Variants in WDR37 observed in about 807,000 individuals in gnomAD.
WDR37 encodes WD repeat domain 37, also known as WD repeat-containing protein 37.
A neutral mutation model predicts 62.9 loss-of-function variants in WDR37; 19 were observed. The ratio of observed to expected loss-of-function variants is 0.30; its 90% CI spans 0.21 to 0.44. The LOEUF (loss-of-function observed/expected upper bound fraction) is 0.44, where lower values mean the gene tolerates loss of function less well. WDR37 is among the 20% of genes least tolerant of loss of function. WDR37 has a pLI of 1.00. For missense variants in WDR37, 474 were observed against 657.6 expected (o/e 0.72, Z 3.05); for synonymous variants, 250 against 260.9 (o/e 0.96, Z 0.40).
chr10:1,098,362 C>T (rs1466878269), intron 9 of WDR37, among the ~76,000 whole-genome samples: 1 of 144,606 alleles, frequency 6.9e-6, no homozygotes, highest in Non-Finnish European at 1.5e-5. Context: ...GAGTCTCGCT[C>T]TGTTGCCCAG....
chr10:1,109,630 G>A (rs1274864710), intron 11 of WDR37, among the ~76,000 whole-genome samples: 1 of 152,172 alleles, frequency 6.6e-6, no homozygotes, highest in African/African-American at 2.4e-5. Flanking sequence ...AGAATCGCTT[G>A]AACTTGGGAG....
In WDR37 at chr10:1,105,226, C is replaced by G. The variant is rs1206208417; in HGVS notation, c.1062C>G (p.Asp354Glu). 1 of 1,614,128 alleles carries G rather than the reference C, an allele frequency of 6.2e-7. No individual in the cohort carries two copies. The highest frequency in any genetic ancestry group is 8.5e-7 in the Non-Finnish European group (1 of 1,180,024). The change falls in exon 11 of 14, where the codon GAC becomes GAG. Residue 354 changes from aspartate to glutamate, a missense_variant. Physicochemically the swap from Asp to Glu is conservative, Grantham distance 45 (BLOSUM62 2). Transcript: ENST00000263150. This position sits in a 1 kb window ranked among gnomAD's most constrained non-coding sequence, Gnocchi z 5.3. ...DTTFRLWDFR[D>E]PSIHSVNVFQ... ...CTTTCCGCCTCTGGGATTTCAGGGA[C>G]CCCTCCATCCACTCGGTGAATGTTT...
chr10:1,109,951 A>C (rs1835158602), intron 11 of WDR37, among the ~76,000 whole-genome samples: 1 of 152,176 alleles, frequency 6.6e-6, no homozygotes, highest in Non-Finnish European at 1.5e-5. Context: ...CCTTTCTCCC[A>C]CATGGGTCTT....
At chr10:1,122,055 G>C (rs1835597615) in intron 11 of WDR37, among the ~76,000 whole-genome samples, 1 of 152,132 alleles carries the variant, frequency 6.6e-6, no homozygotes, top group East Asian at 1.9e-4. Context: ...AATGGGCTTT[G>C]TGACTGCGTG....
At chr10:1,078,401 T>A (rs1833939912) in intron 3 of WDR37, among the ~76,000 whole-genome samples, 1 of 152,238 alleles carries the variant, frequency 6.6e-6, no homozygotes, top group Non-Finnish European at 1.5e-5. Flanking sequence ...AATTTATCTT[T>A]TTTTTATTTT....
rs762769029 is a variant in WDR37 at position 1,103,673 on chromosome 10, C to CTG, written c.799_800dup (p.Pro268AlafsTer8). ...ACCTCGATGGGGATGTGTCCAGCGA[C>CTG]TGCCCCACCATCCGCGTCCCACTGA... On this transcript the variant is annotated frameshift_variant, in exon 10 of 14. Transcript: ENST00000263150. LOFTEE classifies it high-confidence loss of function. This position sits in a 1 kb window ranked among gnomAD's most constrained non-coding sequence, Gnocchi z 6.3. The CTG allele has an allele frequency of 6.2e-7, 1 of 1,614,242 alleles. No individual in the cohort carries two copies. Among genetic ancestry groups the CTG allele is most frequent in the Non-Finnish European group, 8.5e-7 (1 of 1,180,044 alleles).
At position 1,129,686 on chromosome 10, in the gene WDR37, TACG is replaced by T; in HGVS notation, c.*343_*345del. 1 of 184,504 alleles carries T rather than the reference TACG, an allele frequency of 5.4e-6. No homozygotes were observed. Among genetic ancestry groups the T allele is most frequent in the South Asian group, 1.1e-4 (1 of 8,882 alleles). 11.4% of individuals were successfully genotyped at this position (184,504 alleles called of 1,614,324 possible). A position where few individuals can be genotyped will look rare whatever the true frequency, so the allele number is the denominator to read the frequency against. On this transcript the variant is annotated 3_prime_UTR_variant, in exon 14 of 14. Transcript: ENST00000263150. Reference sequence around the variant, plus strand: ...GTGAATTAAATGTGAACTTCTGTATTACGTTGCGGCGTCGGCAGTCCTGCGTTC... The same window carrying T: ...GTGAATTAAATGTGAACTTCTGTATTTTGCGGCGTCGGCAGTCCTGCGTTC...
intron 1 of WDR37, among the ~76,000 whole-genome samples, chr10:1,069,120 G>T (rs1833641535): frequency 1.3e-5 from 2 of 152,034 alleles, no homozygotes; most frequent in African/African-American, 2.4e-5. Flanking sequence ...ACAGTTGATT[G>T]TGGTAATGAT....
rs764251023 is a variant in WDR37 at position 1,072,144 on chromosome 10, C to T, written c.-12C>T. On this transcript the variant is annotated 5_prime_UTR_variant, in exon 2 of 14. Coordinates refer to ENST00000263150, the MANE Select transcript of WDR37 (RefSeq NM_014023.4). Reference sequence around the variant, plus strand: ...ATTGCAGGAGTGACCAGGACACTACCTCCTAGAAGTAATGCCCACAGAAAG... The same window carrying T: ...ATTGCAGGAGTGACCAGGACACTACTTCCTAGAAGTAATGCCCACAGAAAG... 3.1e-6 allele frequency: 5 copies of T among 1,613,900 alleles called. 1 individual carries two copies. The highest frequency in any genetic ancestry group is 1.7e-5 in the Admixed American group (1 of 60,008).
chr10:1,097,231 G>A (rs1018617474), intron 9 of WDR37, among the ~76,000 whole-genome samples: 3 of 152,214 alleles, frequency 2.0e-5, no homozygotes, highest in East Asian at 1.9e-4. Context: ...AGCTGGTTCC[G>A]AAGAGCACAT....
At chr10:1,078,646 T>C (rs1315490019) in intron 3 of WDR37, among the ~76,000 whole-genome samples, 1 of 152,230 alleles carries the variant, frequency 6.6e-6, no homozygotes, top group African/African-American at 2.4e-5. Flanking sequence ...GCTGCTCTAT[T>C]ACTTTCCAGT....
chr10:1,092,135 G>A (rs1490727705), intron 7 of WDR37, among the ~76,000 whole-genome samples: 2 of 144,270 alleles, frequency 1.4e-5, no homozygotes, highest in Non-Finnish European at 3.0e-5. Context: ...AGCTGAGATC[G>A]CGCCACTGCA....
intron 9 of WDR37, among the ~76,000 whole-genome samples, chr10:1,102,182 G>A (rs58938059): frequency 2.1e-5 from 3 of 141,256 alleles, no homozygotes; most frequent in South Asian, 2.3e-4. Context: ...GTTCTCGTGC[G>A]GCTGTGTGTC....
chr10:1,062,765 A>G (rs1296601043), intron 1 of WDR37, among the ~76,000 whole-genome samples: 2 of 152,198 alleles, frequency 1.3e-5, no homozygotes, highest in Non-Finnish European at 2.9e-5. Flanking sequence ...CATGAAGTAC[A>G]TCTAAAAACA....
chr10:1,100,492 C>T (rs983563055), intron 9 of WDR37, among the ~76,000 whole-genome samples: 3 of 152,198 alleles, frequency 2.0e-5, no homozygotes, highest in Non-Finnish European at 4.4e-5. Context: ...TTCTAATTTT[C>T]AATTTTAACA....
intron 9 of WDR37, among the ~76,000 whole-genome samples, chr10:1,097,463 T>TA (rs1221284949): frequency 1.3e-5 from 2 of 152,212 alleles, no homozygotes; most frequent in South Asian, 2.1e-4. Context: ...CGAGAACCTT[T>TA]ACCACCCTTC....
intron 1 of WDR37, among the ~76,000 whole-genome samples, chr10:1,062,621 A>G (rs901210524): frequency 3.9e-5 from 6 of 152,208 alleles, no homozygotes; most frequent in Non-Finnish European, 8.8e-5. Context: ...ACTACAAAGT[A>G]ACTGTTTTAT....
rs1361483967 is a variant in WDR37, at chr10:1,105,011, AG to A, written c.962-113del. 2.4e-6 allele frequency: 3 copies of A among 1,276,182 alleles called. No homozygotes were observed. In the African/African-American group the frequency reaches 4.4e-5, roughly 19 times the overall value. 79.1% of individuals were successfully genotyped at this position (1,276,182 alleles called of 1,614,324 possible). ...CCACATGCTGCTGAGTGATTCCATTAGGTCAGGTTCACAGTCTCAGAGAGAC... is the reference window on the plus strand; with the variant it reads ...CCACATGCTGCTGAGTGATTCCATTAGTCAGGTTCACAGTCTCAGAGAGAC... On this transcript the variant is annotated intron_variant, in intron 10 of 13. Coordinates refer to ENST00000263150, the MANE Select transcript of WDR37 (RefSeq NM_014023.4). This position sits in a 1 kb window ranked among gnomAD's most constrained non-coding sequence, Gnocchi z 5.3.
chr10:1,114,830 C>T (rs1835336979), intron 11 of WDR37, among the ~76,000 whole-genome samples: 1 of 152,226 alleles, frequency 6.6e-6, no homozygotes, highest in Admixed American at 6.5e-5. Context: ...TTCCCTTGCA[C>T]ACACCCAGGG....
Sources: allele counts gnomAD v4.1 joint callset (sites outside exome capture counted in the v4.1 genomes callset), GRCh38; gene constraint gnomAD v4.1.1; non-coding constraint Gnocchi (gnomAD v3.1); transcripts MANE v1.5; gene names NCBI Gene and HGNC (gene_info 2026-07-23, HGNC 2026-07-21).